Variants in ACAD9 observed in about 807,000 individuals in gnomAD.
The protein encoded by ACAD9 is complex I assembly factor ACAD9, mitochondrial.
Under a neutral mutation model 70.2 loss-of-function variants are expected in ACAD9, and 53 were observed. The observed-to-expected ratio is 0.75, with a 90% CI of 0.61 to 0.95. The LOEUF (loss-of-function observed/expected upper bound fraction) is 0.95, where lower values mean the gene tolerates loss of function less well. Among genes scored for constraint, ACAD9 ranks in the 40% least tolerant of loss-of-function variants. The pLI is 0.00. For missense variants in ACAD9, 777 were observed against 802.8 expected (o/e 0.97, Z 0.39); for synonymous variants, 313 against 312.1 (o/e 1.00, Z -0.03).
chr3:128,905,470 T>C (rs559605205), intron 11 of ACAD9, among the ~76,000 whole-genome samples: 15 of 152,350 alleles, frequency 9.8e-5, no homozygotes, highest in African/African-American at 3.1e-4. Flanking sequence ...GTGAGAGGTA[T>C]GGCAGCTTAC....
chr3:128,892,841 C>T (rs1411803102), intron 2 of ACAD9, among the ~76,000 whole-genome samples: 1 of 152,088 alleles, frequency 6.6e-6, no homozygotes, highest in Non-Finnish European at 1.5e-5. Flanking sequence ...CTGAGACTTG[C>T]ATATTTATTC....
At chr3:128,890,790 A>G (rs554702835) in intron 2 of ACAD9, among the ~76,000 whole-genome samples, 60 of 152,032 alleles carry the variant, frequency 3.9e-4, no homozygotes, top group African/African-American at 1.2e-3. Flanking sequence ...ACAATTTTCA[A>G]TGTCTGCAAA....
chr3:128,912,160 C>G (rs1253007394), intron 17 of ACAD9, among the ~76,000 whole-genome samples: 4 of 152,082 alleles, frequency 2.6e-5, no homozygotes, highest in Non-Finnish European at 5.9e-5. Context: ...GCCCAGACAC[C>G]CCCCCAGTGC....
chr3:128,908,425 T>TA, intron 13 of ACAD9, 161 bp downstream of exon 13: 1 of 844,064 alleles, frequency 1.2e-6, no homozygotes, highest in Non-Finnish European at 1.9e-6. Context: ...GTGGGGGGCT[T>TA]GCTGCCCAGG....
At chr3:128,910,442 GTC>G in intron 16 of ACAD9, 2 of 1,112,804 alleles carry the variant, frequency 1.8e-6, no homozygotes, top group Non-Finnish European at 2.5e-6. Context: ...GGCGGGTGCA[GTC>G]TCTGAGGACC....
chr3:128,894,155 CAT>C (rs978191134), intron 3 of ACAD9, among the ~76,000 whole-genome samples: 23 of 152,200 alleles, frequency 1.5e-4, no homozygotes, highest in African/African-American at 4.3e-4. Context: ...AGACCACACA[CAT>C]GTGTGCCATT....
chr3:128,895,232 GAAAAA>G, intron 3 of ACAD9, 73 bp from the exon 4 acceptor site: 1 of 999,354 alleles, frequency 1.0e-6, no homozygotes, highest in Non-Finnish European at 1.5e-6. Flanking sequence ...ATAATCAGAA[GAAAAA>G]AAAAAGCCAA....
At chr3:128,888,662 A>G (rs72973218) in intron 2 of ACAD9, among the ~76,000 whole-genome samples, 9 of 151,930 alleles carry the variant, frequency 5.9e-5, no homozygotes, top group South Asian at 2.1e-4. Flanking sequence ...AGAAGTGCCA[A>G]ATTGTCAGCT....
chr3:128,894,416 G>C (rs1352401513), intron 3 of ACAD9, among the ~76,000 whole-genome samples: 1 of 152,082 alleles, frequency 6.6e-6, no homozygotes, highest in Non-Finnish European at 1.5e-5. Context: ...TTGATTCGAT[G>C]TGTGTGTAGA....
chr3:128,897,848 G>A, intron 6 of ACAD9, 138 bp downstream of exon 6: 1 of 845,754 alleles, frequency 1.2e-6, no homozygotes. Flanking sequence ...TTATGTGTTT[G>A]TTTTTAATTT....
rs1935732430 is a variant in ACAD9, at chr3:128,901,330, A to G, written c.863A>G (p.Glu288Gly). The G allele has an allele frequency of 6.2e-7, 1 of 1,614,004 alleles. No individual in the cohort carries two copies. Among genetic ancestry groups the G allele is most frequent in the Non-Finnish European group, 8.5e-7 (1 of 1,180,004 alleles). ...ATACCTGTGGAAAACATCCTTGGAGAGGTCGGAGATGGGTTTAAGGTGAGT... is the reference window on the plus strand; with the variant it reads ...ATACCTGTGGAAAACATCCTTGGAGGGGTCGGAGATGGGTTTAAGGTGAGT... Reference protein sequence around the residue: ...TKIPVENILGEVGDGFKVAMN... With the variant: ...TKIPVENILGGVGDGFKVAMN... The change falls in exon 8 of 18, where the codon GAG (glutamate) becomes GGG (glycine). Residue 288 changes from glutamate (E) to glycine (G), a missense_variant. Transcript: ENST00000308982.
At position 128,879,734 on chromosome 3, in the gene ACAD9, C is replaced by T. The variant is rs745759890; in HGVS notation, c.43C>T (p.Arg15Cys). ...CTTCCTGCGCACCACGGCTGCGGCT[C>T]GTGCCTGCCGGGGTCTGGTGGTCTC... ...GLFLRTTAAA[R>C]ACRGLVVSTA... The change falls in exon 1 of 18, where the codon CGT becomes TGT. Residue 15 changes from arginine to cysteine, a missense_variant. Physicochemically the swap from Arg to Cys is radical, Grantham distance 180. Coordinates refer to ENST00000308982, the MANE Select transcript of ACAD9 (RefSeq NM_014049.5). 28 of 1,612,892 alleles carry T rather than the reference C, an allele frequency of 1.7e-5. No homozygotes were observed. Among genetic ancestry groups the T allele is most frequent in the Middle Eastern group, 1.7e-4 (1 of 5,852 alleles).
chr3:128,903,147 A>G (rs1040586302), intron 9 of ACAD9, among the ~76,000 whole-genome samples: 1 of 152,182 alleles, frequency 6.6e-6, no homozygotes, highest in African/African-American at 2.4e-5. Context: ...TTCCTTTGCC[A>G]GTGAACTTAG....
At chr3:128,880,608 T>C (rs1462677341) in intron 1 of ACAD9, among the ~76,000 whole-genome samples, 1 of 151,900 alleles carries the variant, frequency 6.6e-6, no homozygotes, top group Non-Finnish European at 1.5e-5. Context: ...CAAGCTGGTC[T>C]AGAACTGACC....
At position 128,910,091 on chromosome 3, in the gene ACAD9, C is replaced by G. The variant is rs375541221; in HGVS notation, c.1634C>G (p.Ala545Gly). The change falls in exon 16 of 18, where the codon GCC becomes GGC. Residue 545 changes from alanine (A) to glycine (G), a missense_variant. Physicochemically the swap from Ala to Gly is moderately conservative, Grantham distance 60. Coordinates refer to ENST00000308982, the MANE Select transcript of ACAD9 (RefSeq NM_014049.5). ...NILINLYGMT[A>G]VLSRASRSIR... ...CTCATCAACCTGTATGGCATGACGG[C>G]CGTGCTGTCGCGGGCCAGCCGCTCC... 2.3e-4 allele frequency: 368 copies of G among 1,613,780 alleles called. No homozygotes were observed. Among genetic ancestry groups the G allele is most frequent in the Non-Finnish European group, 3.0e-4 (355 of 1,180,008 alleles).
At position 128,910,794 on chromosome 3, in the gene ACAD9, C is replaced by A. The variant is rs1409140120; in HGVS notation, c.1746C>A (p.Ser582Arg). 3.7e-6 allele frequency: 6 copies of A among 1,614,204 alleles called. No homozygotes were observed. Among genetic ancestry groups the A allele is most frequent in the Non-Finnish European group, 1.7e-6 (2 of 1,180,046 alleles). ...AAGCTTACTTGCAGAATCTCTTCAG[C>A]CTCTCTCAGCTGGACAAGTGTGAGT... ...CVEAYLQNLFSLSQLDKYAPE... is the reference protein window; with the variant it reads ...CVEAYLQNLFRLSQLDKYAPE... The change falls in exon 17 of 18, where the codon AGC becomes AGA. Residue 582 changes from serine (S) to arginine (R), a missense_variant. Physicochemically the swap from Ser to Arg is moderately radical, Grantham distance 110. Transcript: ENST00000308982.
chr3:128,901,886 TG>T (rs1935750577), intron 8 of ACAD9, among the ~76,000 whole-genome samples: 1 of 152,214 alleles, frequency 6.6e-6, no homozygotes, highest in African/African-American at 2.4e-5. Context: ...ATCCCTTGGC[TG>T]CTACTCTTTT....
intron 13 of ACAD9, 96 bp from the exon 14 acceptor site, chr3:128,908,877 G>C (rs1195521158): frequency 2.9e-5 from 47 of 1,593,774 alleles, no homozygotes; most frequent in Non-Finnish European, 3.9e-5. Context: ...AGGCCAGAGG[G>C]GGGCACGGAG....
intron 2 of ACAD9, among the ~76,000 whole-genome samples, chr3:128,885,618 C>T (rs977172391): frequency 1.6e-4 from 25 of 152,186 alleles, no homozygotes; most frequent in Non-Finnish European, 4.4e-5. Context: ...GGTCTCTACT[C>T]CTAGGCTCAA....
Sources: allele counts gnomAD v4.1 joint callset (sites outside exome capture counted in the v4.1 genomes callset), GRCh38; gene constraint gnomAD v4.1.1; transcripts MANE v1.5; gene names NCBI Gene and HGNC (gene_info 2026-07-23, HGNC 2026-07-21).